The following CUTC variants were observed in gnomAD, a reference collection of about 807,000 sequenced individuals.
CUTC encodes copper homeostasis protein cutC homolog.
In CUTC, 27 loss-of-function variants were observed where a neutral mutation model predicts 36.2. The observed-to-expected ratio is 0.75, with a 90% confidence interval of 0.55 to 1.03. The LOEUF is 1.03. Ranked by LOEUF, CUTC falls within the 50% of genes least tolerant of loss-of-function variation. CUTC has a pLI of 0.00. For synonymous variants in CUTC, 114 were observed against 118.3 expected (o/e 0.96, Z 0.24); for missense variants, 315 against 343.5 (o/e 0.92, Z 0.66).
chr10:99,750,871 C>G (rs1468761937), intron 7 of CUTC, among the ~76,000 whole-genome samples: 1 of 152,080 alleles, frequency 6.6e-6, no homozygotes, highest in Non-Finnish European at 1.5e-5. Context: ...TTCTTGTAAC[C>G]AGAATTTAAT....
intron 3 of CUTC, 111 bp from the exon 4 acceptor site, chr10:99,743,042 T>C (rs2037352028): frequency 1.1e-6 from 1 of 948,630 alleles, no homozygotes; most frequent in Non-Finnish European, 1.6e-6. Flanking sequence ...ACATTTTTCT[T>C]CTCAGTGTCT....
chr10:99,732,363 G>T lies in CUTC; in HGVS notation c.15G>T (p.Gly5=), dbSNP rs1236228255. MKRQ[G]ASSERKRARI... is the part of the protein sequence containing the mutation. ...ACGCGTGGAGCATGAAAAGGCAGGGGGCCTCCTCTGAGCGAAAACGAGCGC... is the reference window on the plus strand; with the variant it reads ...ACGCGTGGAGCATGAAAAGGCAGGGTGCCTCCTCTGAGCGAAAACGAGCGC... Residue 5 remains glycine, a synonymous_variant, in exon 1 of 9, where the codon GGG becomes GGT. Transcript: ENST00000370476. The T allele has an allele frequency of 1.9e-6, 3 of 1,553,050 alleles. No homozygotes were observed. Among genetic ancestry groups the T allele is most frequent in the South Asian group, 1.2e-5 (1 of 84,152 alleles).
At chr10:99,743,056 C>A in intron 3 of CUTC, 97 bp from the exon 4 acceptor site, 1 of 1,169,356 alleles carries the variant, frequency 8.6e-7, no homozygotes, top group South Asian at 1.3e-5. Context: ...AGTGTCTGTC[C>A]TACCTTTTAG....
At chr10:99,754,688 C>T in intron 8 of CUTC, 54 bp downstream of exon 8, 1 of 1,333,136 alleles carries the variant, frequency 7.5e-7, no homozygotes, top group Non-Finnish European at 1.1e-6. Flanking sequence ...TTTTTACTTT[C>T]TCCCAAATAG....
intron 1 of CUTC, among the ~76,000 whole-genome samples, chr10:99,733,040 A>G (rs990320611): frequency 6.6e-6 from 1 of 152,184 alleles, no homozygotes; most frequent in Non-Finnish European, 1.5e-5. Flanking sequence ...TTTTGACTGT[A>G]TTAGAAATTA....
intron 6 of CUTC, among the ~76,000 whole-genome samples, chr10:99,748,015 A>G (rs2037391367): frequency 6.6e-6 from 1 of 152,178 alleles, no homozygotes; most frequent in South Asian, 2.1e-4. Flanking sequence ...TTTGTAGAGC[A>G]CTCAGAAGGT....
At chr10:99,747,017 C>T (rs1039290468) in intron 5 of CUTC, among the ~76,000 whole-genome samples, 1 of 152,184 alleles carries the variant, frequency 6.6e-6, no homozygotes, top group African/African-American at 2.4e-5. Flanking sequence ...ATCTCCCCAC[C>T]TCGGCCTCCC....
At chr10:99,752,126 T>C (rs905237703) in intron 7 of CUTC, among the ~76,000 whole-genome samples, 1 of 152,214 alleles carries the variant, frequency 6.6e-6, no homozygotes, top group African/African-American at 2.4e-5. Context: ...ATGTCAAGAC[T>C]GACCAGCGTT....
At chr10:99,735,101 C>CAAAAA (rs56971127) in intron 1 of CUTC, among the ~76,000 whole-genome samples, 39 of 68,784 alleles carry the variant, frequency 5.7e-4, no homozygotes, top group African/African-American at 1.1e-3. Flanking sequence ...GACTCTGTAT[C>CAAAAA]AAAAAAAAAA....
At chr10:99,747,445 A>AT in intron 6 of CUTC, 55 bp downstream of exon 6, 1 of 1,606,172 alleles carries the variant, frequency 6.2e-7, no homozygotes, top group Non-Finnish European at 8.5e-7. Flanking sequence ...TACTCCTGAC[A>AT]TTCTGCTGTT....
intron 7 of CUTC, among the ~76,000 whole-genome samples, chr10:99,750,645 T>C (rs551417249): frequency 6.6e-6 from 1 of 152,178 alleles, no homozygotes; most frequent in Non-Finnish European, 1.5e-5. Context: ...AGGAAGCAGA[T>C]AGAGATTGAG....
chr10:99,754,436 G>A, intron 7 of CUTC, 93 bp from the exon 8 acceptor site: 1 of 805,500 alleles, frequency 1.2e-6, no homozygotes, highest in Non-Finnish European at 2.1e-6. Context: ...AATTCAGTTT[G>A]GGGATTCCAA....
rs2037352892 is a variant in CUTC, at chr10:99,743,201, T to C, written c.242T>C (p.Met81Thr). ...KQSVQIPVFVMIRPRGGDFLY... is the reference protein window; with the variant it reads ...KQSVQIPVFVTIRPRGGDFLY... ...AGTGTTCAGATCCCAGTTTTTGTGATGATTCGGCCACGGGGAGGTGATTTT... is the reference window on the plus strand; with the variant it reads ...AGTGTTCAGATCCCAGTTTTTGTGACGATTCGGCCACGGGGAGGTGATTTT... Residue 81 changes from methionine to threonine, a missense_variant, in exon 4 of 9, where the codon ATG becomes ACG. Transcript: ENST00000370476. 1.2e-6 allele frequency: 2 copies of C among 1,614,188 alleles called. No individual in the cohort carries two copies. Among genetic ancestry groups the C allele is most frequent in the Non-Finnish European group, 1.7e-6 (2 of 1,180,026 alleles).
chr10:99,746,503 A>G (rs2037378638), intron 5 of CUTC, among the ~76,000 whole-genome samples: 1 of 152,140 alleles, frequency 6.6e-6, no homozygotes, highest in Non-Finnish European at 1.5e-5. Flanking sequence ...TGTACCCCTG[A>G]ACTTAAAAAA....
chr10:99,753,750 A>C (rs2037435661), intron 7 of CUTC, among the ~76,000 whole-genome samples: 2 of 152,156 alleles, frequency 1.3e-5, no homozygotes, highest in African/African-American at 4.8e-5. Context: ...TTACTGTACT[A>C]CTAAGGAAAA....
At chr10:99,752,000 G>T (rs1232471719) in intron 7 of CUTC, among the ~76,000 whole-genome samples, 1 of 152,168 alleles carries the variant, frequency 6.6e-6, no homozygotes, top group Non-Finnish European at 1.5e-5. Context: ...CATGAGGTTT[G>T]AATAGACTCT....
At position 99,732,418 on chromosome 10, in the gene CUTC, G is replaced by A; in HGVS notation, c.61+9G>A. On this transcript the variant is annotated intron_variant, in intron 1 of 8. Transcript: ENST00000370476. ...ACCGTCCGGGAAGGCCGGTGCGGAA[G>A]GTGGCGGGGGAGGGGACGGTCGGCC... 6.4e-7 allele frequency: 1 copy of A among 1,550,568 alleles called. No individual in the cohort carries two copies. Among genetic ancestry groups the A allele is most frequent in the Non-Finnish European group, 8.7e-7 (1 of 1,147,102 alleles).
At chr10:99,747,497 C>A in intron 6 of CUTC, 107 bp downstream of exon 6, 1 of 1,297,820 alleles carries the variant, frequency 7.7e-7, no homozygotes, top group Middle Eastern at 1.9e-4. Flanking sequence ...TTTGTGGTTA[C>A]TCTGTAGGAA....
chr10:99,750,442 T>A (rs2037408043), intron 7 of CUTC, 46 bp downstream of exon 7: 1 of 1,497,714 alleles, frequency 6.7e-7, no homozygotes, highest in African/African-American at 1.4e-5. Context: ...TGAACTATAG[T>A]GGAGGAAGAG....
Sources: allele counts gnomAD v4.1 joint callset (sites outside exome capture counted in the v4.1 genomes callset), GRCh38; gene constraint gnomAD v4.1.1; transcripts MANE v1.5; gene names NCBI Gene and HGNC (gene_info 2026-07-23, HGNC 2026-07-21).